The following DSCAML1 variants were observed in gnomAD, a reference collection of about 807,000 sequenced individuals.
DSCAML1 encodes the protein DS cell adhesion molecule like 1.
DSCAML1 carries 38 observed loss-of-function variants against 200.5 expected under a neutral mutation model. The observed-to-expected ratio is 0.19, with a 90% CI of 0.15 to 0.25. The LOEUF (loss-of-function observed/expected upper bound fraction) is 0.25. Ranked by LOEUF, DSCAML1 falls within the 10% of genes least tolerant of loss-of-function variation. DSCAML1 has a pLI of 1.00. For missense variants in DSCAML1, 2,223 were observed against 2,858.8 expected (o/e 0.78, Z 5.07); for synonymous variants, 1,215 against 1,165.0 (o/e 1.04, Z -0.87).
At chr11:117,677,430 G>A (rs2053234690) in intron 3 of DSCAML1, among the ~76,000 whole-genome samples, 1 of 152,226 alleles carries the variant, frequency 6.6e-6, no homozygotes, top group East Asian at 1.9e-4. Flanking sequence ...AGAAGAATGG[G>A]TCCCATCTGT....
rs753602006 is a variant in DSCAML1, at chr11:117,780,179, GA to G, written c.364+313del. Among the ~76,000 whole-genome samples, 503 of 111,420 alleles carry G rather than the reference GA, an allele frequency of 4.5e-3. 15 individuals carry two copies. Among genetic ancestry groups the G allele is most frequent in the Non-Finnish European group, 5.1e-3 (270 of 53,164 alleles). 73.1% of individuals were successfully genotyped at this position (111,420 alleles called of 152,430 possible). ...AGAGAGAAAGAAAGAAAGAAAAAAAGAAAAAAAGAAAGAAAGAAAGAGAAAG... is the reference window on the plus strand; with the variant it reads ...AGAGAGAAAGAAAGAAAGAAAAAAAGAAAAAAGAAAGAAAGAAAGAGAAAG... On this transcript the variant is annotated intron_variant, in intron 2 of 32. Coordinates refer to ENST00000651296, the MANE Select transcript of DSCAML1 (RefSeq NM_020693.4). The surrounding 1 kb of genome is among the most constrained non-coding windows in gnomAD (Gnocchi z 4.8).
In DSCAML1 at chr11:117,524,875, G is replaced by A. The variant is rs138320983; in HGVS notation, c.867C>T (p.Ser289=). 5.1e-4 allele frequency: 823 copies of A among 1,607,904 alleles called. No individual in the cohort carries two copies. The African/African-American group carries it at 7.9e-3, about 16-fold the overall frequency. Reference sequence around the variant, plus strand: ...TGGTGACCTCACAAATGTAGGTGCCGCTGTCCTCGGTCCGCAAGTCGCTGA... The same window carrying A: ...TGGTGACCTCACAAATGTAGGTGCCACTGTCCTCGGTCCGCAAGTCGCTGA... ...LTISDLRTED[S]GTYICEVTNT... is the part of the protein sequence containing the mutation. Residue 289 remains serine (S), a synonymous_variant, in exon 5 of 33, where the codon AGC becomes AGT. Coordinates refer to ENST00000651296, the MANE Select transcript of DSCAML1 (RefSeq NM_020693.4).
intron 3 of DSCAML1, among the ~76,000 whole-genome samples, chr11:117,718,214 C>T (rs901188783): frequency 2.2e-4 from 33 of 152,216 alleles, no homozygotes; most frequent in African/African-American, 4.1e-4. Context: ...AAGCCACTCA[C>T]GCACCCCGCC....
chr11:117,453,547 A>G (rs1426263585), intron 19 of DSCAML1, among the ~76,000 whole-genome samples: 3 of 152,256 alleles, frequency 2.0e-5, no homozygotes, highest in Non-Finnish European at 4.4e-5. Flanking sequence ...TTTCCCTTAC[A>G]TATTTTATAT....
intron 3 of DSCAML1, among the ~76,000 whole-genome samples, chr11:117,564,894 T>A (rs756707850): frequency 1.3e-5 from 2 of 152,116 alleles, no homozygotes; most frequent in Non-Finnish European, 2.9e-5. Flanking sequence ...GCCTCCCAAG[T>A]AGCTGAGATT....
At chr11:117,795,651 G>T (rs2055558583) in intron 1 of DSCAML1, among the ~76,000 whole-genome samples, 1 of 152,140 alleles carries the variant, frequency 6.6e-6, no homozygotes. Flanking sequence ...CAATCCGATC[G>T]CCTAGTAAAT....
chr11:117,444,004 G>C lies in DSCAML1; in HGVS notation c.3744C>G (p.Leu1248=), dbSNP rs1565685266. The C allele has an allele frequency of 6.2e-7, 1 of 1,613,954 alleles. No homozygotes were observed. The highest frequency in any genetic ancestry group is 1.1e-5 in the South Asian group (1 of 91,082). Residue 1248 remains leucine (L), a synonymous_variant, in exon 21 of 33, where the codon CTC becomes CTG. Transcript: ENST00000651296. The part of the protein sequence containing the change: ...PSEYETSPEQ[L]FYRIAHLNRG... The stretch of plus-strand genomic sequence containing the variant: ...GGTTTAGGTGGGCGATCCGGTAGAA[G>C]AGCTGCTCTGGACTCGTCTCGTACT...
chr11:117,586,632 G>A (rs893776708), intron 3 of DSCAML1, among the ~76,000 whole-genome samples: 19 of 152,278 alleles, frequency 1.2e-4, no homozygotes, highest in African/African-American at 3.6e-4. Context: ...GGATGACAGC[G>A]GGCCCAGTAG....
At chr11:117,702,004 G>A (rs2053677945) in intron 3 of DSCAML1, among the ~76,000 whole-genome samples, 1 of 152,104 alleles carries the variant, frequency 6.6e-6, no homozygotes, top group Non-Finnish European at 1.5e-5. Context: ...ACAGTCCCGT[G>A]GATCCAACCC....
At chr11:117,796,786 C>T (rs909612047) in intron 1 of DSCAML1, among the ~76,000 whole-genome samples, 4 of 152,192 alleles carry the variant, frequency 2.6e-5, no homozygotes, top group Non-Finnish European at 4.4e-5. Flanking sequence ...ATGAGGGGCT[C>T]CTTTGCCACC....
At chr11:117,543,869 G>A (rs1417669481) in intron 3 of DSCAML1, among the ~76,000 whole-genome samples, 6 of 151,868 alleles carry the variant, frequency 4.0e-5, no homozygotes, top group South Asian at 4.2e-4. Context: ...TCTATGATGC[G>A]TATGTAGTGC....
At chr11:117,776,677 C>T (rs1456009827) in intron 3 of DSCAML1, 114 bp downstream of exon 3, 4 of 1,332,860 alleles carry the variant, frequency 3.0e-6, no homozygotes, top group East Asian at 2.3e-5. Context: ...AGTCACTCCC[C>T]AGAGCCAACC....
intron 6 of DSCAML1, 23 bp downstream of exon 6, chr11:117,521,107 T>A (rs2049878452): frequency 6.2e-7 from 1 of 1,606,356 alleles, no homozygotes; most frequent in African/African-American, 1.3e-5. Context: ...ACCCGCCCCC[T>A]GTGTCCTGGC....
intron 3 of DSCAML1, among the ~76,000 whole-genome samples, chr11:117,551,896 G>A (rs933378207): frequency 2.0e-5 from 3 of 152,146 alleles, no homozygotes; most frequent in African/African-American, 7.2e-5. Flanking sequence ...GAAAATTACA[G>A]GACACGAGAT....
At chr11:117,517,479 A>G (rs2137307834) in intron 7 of DSCAML1, among the ~76,000 whole-genome samples, 1 of 152,210 alleles carries the variant, frequency 6.6e-6, no homozygotes, top group South Asian at 2.1e-4. Context: ...CAACTGGGAA[A>G]TCTTCCAGGG....
chr11:117,584,984 G>C (rs6589615), intron 3 of DSCAML1, among the ~76,000 whole-genome samples: 60,062 of 152,032 alleles, frequency 0.4, 12,690 homozygotes, highest in Non-Finnish European at 0.47. Context: ...ATTATAACAT[G>C]ACTTGAAGGC....
intron 3 of DSCAML1, among the ~76,000 whole-genome samples, chr11:117,683,448 T>C (rs2053345245): frequency 6.6e-6 from 1 of 152,256 alleles, no homozygotes; most frequent in Non-Finnish European, 1.5e-5. Context: ...AGTTCAGTCA[T>C]CTGCGAGTTT....
intron 3 of DSCAML1, among the ~76,000 whole-genome samples, chr11:117,587,212 G>A (rs569033646): frequency 2.6e-5 from 4 of 151,068 alleles, no homozygotes; most frequent in Non-Finnish European, 5.9e-5. Context: ...CATGGACAAC[G>A]AACAGGGTGT....
chr11:117,794,629 C>T (rs763243131), intron 1 of DSCAML1, among the ~76,000 whole-genome samples: 2 of 152,052 alleles, frequency 1.3e-5, no homozygotes, highest in African/African-American at 4.8e-5. Flanking sequence ...CTGTAACAGG[C>T]TCGAACATTC....
Sources: gnomAD v4.1 joint callset for allele counts (sites outside exome capture counted in the v4.1 genomes callset) on GRCh38, gnomAD v4.1.1 for gene constraint, Gnocchi (gnomAD v3.1) non-coding constraint, MANE v1.5 for transcripts, NCBI Gene and HGNC (gene_info 2026-07-23, HGNC 2026-07-21) for gene names.